Variants in NUDCD2 observed in about 807,000 individuals in gnomAD.
The protein encoded by NUDCD2 is nudC domain-containing protein 2.
In NUDCD2, 16 loss-of-function variants were observed where a neutral mutation model predicts 20.8. The ratio of observed to expected loss-of-function variants is 0.77; its 90% CI spans 0.52 to 1.17. NUDCD2 has a LOEUF of 1.17. Ranked by LOEUF, NUDCD2 falls within the 50% of genes most tolerant of loss-of-function variation. NUDCD2 has a pLI of 0.00. For synonymous variants in NUDCD2, 87 were observed against 72.8 expected, an observed-to-expected ratio of 1.20 and a Z score of -1.00; for missense variants, 199 against 193.9, an observed-to-expected ratio of 1.03 and a Z score of -0.16.
intron 2 of NUDCD2, 105 bp from the exon 3 acceptor site, chr5:163,457,185 G>C (rs1490249086): frequency 8.2e-7 from 1 of 1,214,564 alleles, no homozygotes; most frequent in Non-Finnish European, 1.1e-6. Context: ...AGGCTGGAGT[G>C]CAGCGGCTTG....
At chr5:163,456,277 T>C (rs1304411566) in intron 3 of NUDCD2, among the ~76,000 whole-genome samples, 1 of 152,212 alleles carries the variant, frequency 6.6e-6, no homozygotes, top group East Asian at 1.9e-4. Context: ...AAAGATATCT[T>C]AGAACACTTG....
intron 3 of NUDCD2, among the ~76,000 whole-genome samples, chr5:163,455,049 C>G (rs1410793573): frequency 1.3e-5 from 2 of 151,366 alleles, no homozygotes; most frequent in African/African-American, 4.9e-5. Context: ...TATACGTATC[C>G]TAGAAAAGCT....
At chr5:163,458,174 G>A (rs1357499425) in intron 1 of NUDCD2, among the ~76,000 whole-genome samples, 1 of 151,618 alleles carries the variant, frequency 6.6e-6, no homozygotes, top group African/African-American at 2.4e-5. Context: ...GTAGAGATGG[G>A]GTTTCCCCGT....
At chr5:163,454,307 G>C (rs1332268218) in intron 3 of NUDCD2, among the ~76,000 whole-genome samples, 2 of 152,044 alleles carry the variant, frequency 1.3e-5, no homozygotes, top group Admixed American at 1.3e-4. Context: ...ATAAAAGTCT[G>C]TAGTTATATT....
chr5:163,457,809 T>C (rs141473530), intron 1 of NUDCD2, among the ~76,000 whole-genome samples, 199 bp from the exon 2 acceptor site: 5 of 152,194 alleles, frequency 3.3e-5, no homozygotes, highest in East Asian at 1.9e-4. Context: ...ATATTTACTA[T>C]GGCAAAGAAC....
Position 163,459,919 on chromosome 5 carries a change from C to A in NUDCD2, c.132G>T (p.Gln44His), listed in dbSNP as rs953788465. ...VPPGTRAQDI[Q>H]CGLQSRHVAL... Reference sequence around the variant, plus strand: ...CCACATGCCGGCTCTGGAGGCCGCACTGGATATCCTGGGCGCGCGTGCCTG... The same window carrying A: ...CCACATGCCGGCTCTGGAGGCCGCAATGGATATCCTGGGCGCGCGTGCCTG... The change falls in exon 1 of 4, where the codon CAG becomes CAT. Residue 44 changes from glutamine (Q) to histidine (H), a missense_variant. By Grantham distance (24) the Gln-to-His change is conservative (BLOSUM62 0). Coordinates refer to ENST00000302764, the MANE Select transcript of NUDCD2 (RefSeq NM_145266.6). The A allele has an allele frequency of 6.2e-7, 1 of 1,613,110 alleles. No individual in the cohort carries two copies.
chr5:163,458,118 G>A (rs1423341289), intron 1 of NUDCD2, among the ~76,000 whole-genome samples: 1 of 149,488 alleles, frequency 6.7e-6, no homozygotes, highest in Non-Finnish European at 1.5e-5. Flanking sequence ...AAGTAGCTAG[G>A]ACTACAGGCG....
At chr5:163,457,218 G>GCC in intron 2 of NUDCD2, 138 bp from the exon 3 acceptor site, 2 of 859,282 alleles carry the variant, frequency 2.3e-6, no homozygotes, top group Non-Finnish European at 3.4e-6. Flanking sequence ...TGAAACCTCC[G>GCC]CCCCCCGGGT....
intron 1 of NUDCD2, chr5:163,458,952 ATAATAGC>A (rs1273340992): frequency 5.3e-5 from 8 of 152,250 alleles, no homozygotes; most frequent in African/African-American, 1.9e-4. Flanking sequence ...TGTAATATAT[ATAATAGC>A]TAATAGCTAA....
At position 163,447,139 on chromosome 5, in the gene NUDCD2, T is replaced by C. The variant is rs956213105; in HGVS notation, c.*6828A>G. On this transcript the variant is annotated 3_prime_UTR_variant, in exon 4 of 4. Coordinates refer to ENST00000302764, the MANE Select transcript of NUDCD2 (RefSeq NM_145266.6). ...ACAGTGCTAAAAGTGTAAGCACTTA[T>C]TATCAGATCTTAAAAATACATGAAG... The C allele has an allele frequency of 2.0e-5, 3 of 152,164 alleles. No individual in the cohort carries two copies. The highest frequency in any genetic ancestry group is 4.4e-5 in the Non-Finnish European group (3 of 68,024). 9.4% of individuals were successfully genotyped at this position (152,164 alleles called of 1,614,324 possible).
intron 1 of NUDCD2, 85 bp downstream of exon 1, chr5:163,459,777 C>T: frequency 8.0e-7 from 1 of 1,250,900 alleles, no homozygotes; most frequent in Non-Finnish European, 1.1e-6. Flanking sequence ...CAGGAGCCGT[C>T]GGGACACCCA....
chr5:163,449,303 A>G lies in NUDCD2; in HGVS notation c.*4664T>C, dbSNP rs570187865. On this transcript the variant is annotated 3_prime_UTR_variant, in exon 4 of 4. Transcript: ENST00000302764. ...AACTAATGAAGTTTAGCAAGGTCACAGGATACAAGGTCAACAAACAAAAAT... is the reference window on the plus strand; with the variant it reads ...AACTAATGAAGTTTAGCAAGGTCACGGGATACAAGGTCAACAAACAAAAAT... 1 of 117,810 alleles carries G rather than the reference A, an allele frequency of 8.5e-6. No individual in the cohort carries two copies. The highest frequency in any genetic ancestry group is 9.6e-5 in the Admixed American group (1 of 10,406). 7.3% of individuals were successfully genotyped at this position (117,810 alleles called of 1,614,324 possible).
rs559558579 is a variant in NUDCD2, at chr5:163,454,600, C to G, written c.391-550G>C. Among the ~76,000 whole-genome samples the G allele has an allele frequency of 5.9e-5, 9 of 152,354 alleles. No homozygotes were observed. In the East Asian group the frequency reaches 1.7e-3, roughly 29 times the overall value. On this transcript the variant is annotated intron_variant, in intron 3 of 3. Coordinates refer to ENST00000302764, the MANE Select transcript of NUDCD2 (RefSeq NM_145266.6). ...CGGTGATCCGCCTGCCTCAGCCTCCCAAAGTGCTGGGATTACAGGCGTGAG... is the reference window on the plus strand; with the variant it reads ...CGGTGATCCGCCTGCCTCAGCCTCCGAAAGTGCTGGGATTACAGGCGTGAG...
chr5:163,452,990 G>A lies in NUDCD2; in HGVS notation c.*977C>T, dbSNP rs1758213466. Reference sequence around the variant, plus strand: ...TTCAATGTGAATGAAGTGAAGATCTGAGGATTAGAGGGTAGTAATGTGTCA... The same window carrying A: ...TTCAATGTGAATGAAGTGAAGATCTAAGGATTAGAGGGTAGTAATGTGTCA... On this transcript the variant is annotated 3_prime_UTR_variant, in exon 4 of 4. Transcript: ENST00000302764. 6.6e-6 allele frequency: 1 copy of A among 152,154 alleles called. No homozygotes were observed. The highest frequency in any genetic ancestry group is 1.5e-5 in the Non-Finnish European group (1 of 68,014). The allele number at this position is 152,154 out of a possible 1,614,324, so 9.4% of individuals were successfully genotyped here.
In NUDCD2 at chr5:163,447,601, A is replaced by C. The variant is rs965360011; in HGVS notation, c.*6366T>G. The C allele has an allele frequency of 2.0e-5, 3 of 152,258 alleles. No homozygotes were observed. Among genetic ancestry groups the C allele is most frequent in the African/African-American group, 7.2e-5 (3 of 41,472 alleles). 9.4% of individuals were successfully genotyped at this position (152,258 alleles called of 1,614,324 possible). On this transcript the variant is annotated 3_prime_UTR_variant, in exon 4 of 4. Transcript: ENST00000302764. ...GATGTAGGAAAATGGAATAATACTA[A>C]TAACCAGCTAGATTTAATTGACATA...
In NUDCD2 at chr5:163,447,919, G is replaced by A. The variant is rs1379391205; in HGVS notation, c.*6048C>T. On this transcript the variant is annotated 3_prime_UTR_variant, in exon 4 of 4. Coordinates refer to ENST00000302764, the MANE Select transcript of NUDCD2 (RefSeq NM_145266.6). ...GTGCTTGGAATGCAGCCATGCTGGTGCTGCAATTTATAACAATCGACTGCT... is the reference window on the plus strand; with the variant it reads ...GTGCTTGGAATGCAGCCATGCTGGTACTGCAATTTATAACAATCGACTGCT... The A allele has an allele frequency of 1.3e-5, 2 of 152,102 alleles. No individual in the cohort carries two copies. The highest frequency in any genetic ancestry group is 2.9e-5 in the Non-Finnish European group (2 of 68,032). The allele number at this position is 152,102 out of a possible 1,614,324, so 9.4% of individuals were successfully genotyped here.
rs1207978992 is a variant in NUDCD2 at position 163,447,592 on chromosome 5, A to C, written c.*6375T>G. On this transcript the variant is annotated 3_prime_UTR_variant, in exon 4 of 4. Coordinates refer to ENST00000302764, the MANE Select transcript of NUDCD2 (RefSeq NM_145266.6). The stretch of plus-strand genomic sequence containing the variant: ...ATTAGCAAAGATGTAGGAAAATGGA[A>C]TAATACTAATAACCAGCTAGATTTA... 1 of 152,242 alleles carries C rather than the reference A, an allele frequency of 6.6e-6. No individual in the cohort carries two copies. Among genetic ancestry groups the C allele is most frequent in the Non-Finnish European group, 1.5e-5 (1 of 68,040 alleles). The allele number at this position is 152,242 out of a possible 1,614,324, so 9.4% of individuals were successfully genotyped here. A position where few individuals can be genotyped will look rare whatever the true frequency, so the allele number is the denominator to read the frequency against.
rs1475972841 is a variant in NUDCD2, at chr5:163,451,718, T to A, written c.*2249A>T. The A allele has an allele frequency of 6.6e-6, 1 of 152,238 alleles. No individual in the cohort carries two copies. The highest frequency in any genetic ancestry group is 1.5e-5 in the Non-Finnish European group (1 of 68,120). 9.4% of individuals were successfully genotyped at this position (152,238 alleles called of 1,614,324 possible). On this transcript the variant is annotated 3_prime_UTR_variant, in exon 4 of 4. Coordinates refer to ENST00000302764, the MANE Select transcript of NUDCD2 (RefSeq NM_145266.6). ...CCTGCTCAGCATAGGATGCGAAGCC[T>A]AAGCAGGGTGAGGAAGACATTCATG...
rs760812571 is a variant in NUDCD2 at position 163,452,570 on chromosome 5, C to G, written c.*1397G>C. 7.2e-5 allele frequency: 11 copies of G among 151,988 alleles called. No homozygotes were observed. The highest frequency in any genetic ancestry group is 4.4e-5 in the Non-Finnish European group (3 of 67,978). The allele number at this position is 151,988 out of a possible 1,614,324, so 9.4% of individuals were successfully genotyped here. The stretch of plus-strand genomic sequence containing the variant: ...AGATACGATAAATTTAAAGTCTGAT[C>G]AGAAACAAGGTAGTATTTTGCAACT... On this transcript the variant is annotated 3_prime_UTR_variant, in exon 4 of 4. Coordinates refer to ENST00000302764, the MANE Select transcript of NUDCD2 (RefSeq NM_145266.6).
Sources: gnomAD v4.1 joint callset for allele counts (sites outside exome capture counted in the v4.1 genomes callset) on GRCh38, gnomAD v4.1.1 for gene constraint, MANE v1.5 for transcripts, NCBI Gene and HGNC (gene_info 2026-07-23, HGNC 2026-07-21) for gene names.